The following PDE4D variants were observed in gnomAD, a reference collection of about 807,000 sequenced individuals.
The protein encoded by PDE4D is phosphodiesterase 4D.
In PDE4D, 24 loss-of-function variants were observed where a neutral mutation model predicts 87.4. The observed-to-expected ratio is 0.27, with a 90% CI of 0.20 to 0.39. The LOEUF (loss-of-function observed/expected upper bound fraction) is 0.39. Ranked by LOEUF, PDE4D falls within the 10% of genes least tolerant of loss-of-function variation. The pLI, the probability that PDE4D is intolerant of heterozygous loss-of-function variation, is 1.00. For missense variants in PDE4D, 714 were observed against 1,041.0 expected (o/e 0.69, Z 4.32); for synonymous variants, 384 against 383.2 (o/e 1.00, Z -0.02).
At chr5:60,318,395 GTT>G (rs1755852327) in intron 1 of PDE4D, among the ~76,000 whole-genome samples, 1 of 152,096 alleles carries the variant, frequency 6.6e-6, no homozygotes, top group Admixed American at 6.6e-5. Context: ...CGTGAGATGG[GTT>G]TCCTGAATAT....
intron 3 of PDE4D, among the ~76,000 whole-genome samples, chr5:59,189,336 G>T (rs1372493625): frequency 7.2e-6 from 1 of 138,000 alleles, no homozygotes; most frequent in East Asian, 2.1e-4. Context: ...TGCAACCTCT[G>T]CCTCCTGGGT....
chr5:59,969,545 G>T (rs1344489656), intron 3 of PDE4D, among the ~76,000 whole-genome samples: 1 of 152,122 alleles, frequency 6.6e-6, no homozygotes. Context: ...GGAATGACTT[G>T]TCTCTGAAAT....
chr5:60,354,709 A>G (rs6869495), intron 1 of PDE4D, among the ~76,000 whole-genome samples: 33,692 of 152,142 alleles, frequency 0.22, 4,298 homozygotes, highest in South Asian at 0.36. Flanking sequence ...GCCCAGTACT[A>G]GGACGTTTTT....
chr5:59,265,007 C>T (rs1017172980), intron 1 of PDE4D, among the ~76,000 whole-genome samples: 2 of 151,924 alleles, frequency 1.3e-5, no homozygotes, highest in East Asian at 1.9e-4. Context: ...GATGATGAGG[C>T]TCAGCTCCAG....
At chr5:59,151,306 A>G (rs1333846141) in intron 5 of PDE4D, among the ~76,000 whole-genome samples, 1 of 152,132 alleles carries the variant, frequency 6.6e-6, no homozygotes, top group Non-Finnish European at 1.5e-5. Flanking sequence ...CAAGGAAATG[A>G]ATCTCTTCTG....
intron 3 of PDE4D, among the ~76,000 whole-genome samples, chr5:59,945,825 C>G (rs1328784387): frequency 2.0e-5 from 3 of 152,156 alleles, no homozygotes; most frequent in African/African-American, 7.2e-5. Flanking sequence ...GAATTTCTTT[C>G]TTAAAAATAG....
chr5:59,521,001 A>T (rs962788345), intron 1 of PDE4D, among the ~76,000 whole-genome samples: 1 of 152,146 alleles, frequency 6.6e-6, no homozygotes, highest in African/African-American at 2.4e-5. Flanking sequence ...GTTCCTATAG[A>T]TATACAAGGA....
chr5:59,208,969 T>A (rs928492655), intron 2 of PDE4D, among the ~76,000 whole-genome samples: 1 of 152,056 alleles, frequency 6.6e-6, no homozygotes, highest in African/African-American at 2.4e-5. Context: ...CACACAGCAA[T>A]GGAAGAAAAA....
At chr5:60,446,798 G>T (rs1373799939) in intron 1 of PDE4D, among the ~76,000 whole-genome samples, 3 of 152,066 alleles carry the variant, frequency 2.0e-5, no homozygotes, top group African/African-American at 7.2e-5. Flanking sequence ...ATGGACCTTG[G>T]TATGCCTGCT....
chr5:60,049,061 G>A lies in PDE4D; in HGVS notation c.43-60344C>T, dbSNP rs115718609. Reference sequence around the variant, plus strand: ...CCCATATTTCTTGGAGGGTTTGCCCGTTTCTTTTTATTCTTTTTTCTCTAA... The same window carrying A: ...CCCATATTTCTTGGAGGGTTTGCCCATTTCTTTTTATTCTTTTTTCTCTAA... On this transcript the variant is annotated intron_variant, in intron 2 of 16. Transcript: ENST00000502484. Among the ~76,000 whole-genome samples the A allele has an allele frequency of 7.8e-4, 119 of 151,960 alleles. No homozygotes were observed. In the East Asian group the frequency reaches 8.3e-3, roughly 11 times the overall value.
At chr5:60,301,058 T>G (rs891041314) in intron 1 of PDE4D, among the ~76,000 whole-genome samples, 1 of 152,186 alleles carries the variant, frequency 6.6e-6, no homozygotes, top group African/African-American at 2.4e-5. Flanking sequence ...CGTGAGCCAA[T>G]GCGCCCAGCC....
intron 1 of PDE4D, among the ~76,000 whole-genome samples, chr5:60,452,323 T>G (rs1485054380): frequency 6.6e-6 from 1 of 152,154 alleles, no homozygotes; most frequent in Non-Finnish European, 1.5e-5. Context: ...AATTACATTT[T>G]GAATAACATT....
intron 1 of PDE4D, among the ~76,000 whole-genome samples, chr5:59,337,329 C>T (rs951849793): frequency 4.5e-5 from 6 of 133,502 alleles, no homozygotes; most frequent in African/African-American, 1.4e-4. Context: ...AAGTTCCCCC[C>T]CCCCCACCTT....
intron 1 of PDE4D, chr5:60,459,997 TC>T (rs1278207519): frequency 1.1e-6 from 1 of 934,184 alleles, no homozygotes; most frequent in Non-Finnish European, 1.8e-6. Flanking sequence ...TGCTTCTTCA[TC>T]ATCCATATCG....
At chr5:58,988,413 ACT>A (rs1580122309) in intron 11 of PDE4D, 78 bp downstream of exon 11, 1 of 490,008 alleles carries the variant, frequency 2.0e-6, no homozygotes, top group Non-Finnish European at 3.6e-6. Context: ...GCTCTGGAAG[ACT>A]CTGAGTTTAT....
intron 1 of PDE4D, among the ~76,000 whole-genome samples, chr5:60,407,898 G>A (rs1444619721): frequency 6.6e-6 from 1 of 152,046 alleles, no homozygotes; most frequent in Non-Finnish European, 1.5e-5. Flanking sequence ...TGGGTTTTGT[G>A]ACTATTGCAA....
At chr5:59,238,575 C>T (rs1187709926) in intron 1 of PDE4D, among the ~76,000 whole-genome samples, 2 of 152,114 alleles carry the variant, frequency 1.3e-5, no homozygotes, top group East Asian at 3.9e-4. Flanking sequence ...TTTGAAATAA[C>T]AAAAACTGCC....
At chr5:59,667,508 T>C (rs1447694173) in intron 1 of PDE4D, among the ~76,000 whole-genome samples, 1 of 152,142 alleles carries the variant, frequency 6.6e-6, no homozygotes, top group Non-Finnish European at 1.5e-5. Context: ...CATGGTCTGC[T>C]TGTACTCAAA....
chr5:59,383,144 G>A (rs1205123602), intron 1 of PDE4D, among the ~76,000 whole-genome samples: 1 of 152,058 alleles, frequency 6.6e-6, no homozygotes, highest in East Asian at 1.9e-4. Context: ...TTTATTTCCC[G>A]GTGTAAATTC....
Sources: allele counts gnomAD v4.1 joint callset (sites outside exome capture counted in the v4.1 genomes callset), GRCh38; gene constraint gnomAD v4.1.1; transcripts MANE v1.5; gene names NCBI Gene and HGNC (gene_info 2026-07-23, HGNC 2026-07-21).